ERCC6L2: variants seen among roughly 807,000 people sequenced by gnomAD.
ERCC6L2 encodes the protein ERCC excision repair 6 like 2.
A neutral mutation model predicts 132.0 loss-of-function variants in ERCC6L2; 77 were observed. That is an observed-to-expected ratio of 0.58 (90% confidence interval 0.49 to 0.71). The LOEUF is 0.71. Ranked by LOEUF, ERCC6L2 falls within the 30% of genes least tolerant of loss-of-function variation. The pLI is 0.00. For synonymous variants in ERCC6L2, 583 were observed against 632.4 expected, an observed-to-expected ratio of 0.92 and a Z score of 1.17; for missense variants, 1,542 against 1,837.6, an observed-to-expected ratio of 0.84 and a Z score of 2.94.
intron 19 of ERCC6L2, among the ~76,000 whole-genome samples, chr9:96,038,684 T>C (rs934124505): frequency 5.9e-5 from 9 of 152,180 alleles, no homozygotes; most frequent in African/African-American, 2.2e-4. Context: ...GAAAGAAGGG[T>C]GACTGCTGTC....
chr9:95,974,378 C>G (rs1832570282), intron 16 of ERCC6L2, among the ~76,000 whole-genome samples: 1 of 152,024 alleles, frequency 6.6e-6, no homozygotes, highest in South Asian at 2.1e-4. Flanking sequence ...GTAATTGATT[C>G]AAACACATTT....
intron 18 of ERCC6L2, among the ~76,000 whole-genome samples, chr9:96,010,451 C>G (rs989471793): frequency 6.6e-6 from 1 of 152,206 alleles, no homozygotes; most frequent in African/African-American, 2.4e-5. Context: ...TAAGGATTCT[C>G]TGTTTTGCAT....
At chr9:96,037,538 C>T (rs1834533763) in intron 19 of ERCC6L2, among the ~76,000 whole-genome samples, 1 of 152,170 alleles carries the variant, frequency 6.6e-6, no homozygotes, top group Admixed American at 6.5e-5. Context: ...AGGTTCTGGC[C>T]TGAGTAACCA....
intron 12 of ERCC6L2, among the ~76,000 whole-genome samples, chr9:95,942,896 G>A (rs1260291531): frequency 1.3e-5 from 2 of 152,102 alleles, no homozygotes; most frequent in African/African-American, 4.8e-5. Context: ...GAGAAACAGG[G>A]AGAGAATGAT....
intron 19 of ERCC6L2, among the ~76,000 whole-genome samples, chr9:96,031,778 G>A (rs1204207189): frequency 6.6e-6 from 1 of 152,144 alleles, no homozygotes; most frequent in Non-Finnish European, 1.5e-5. Context: ...CAGCTTCCCA[G>A]GAACACAAGC....
At chr9:95,881,318 A>T (rs1827580352) in intron 2 of ERCC6L2, 25 bp downstream of exon 2, 1 of 1,515,026 alleles carries the variant, frequency 6.6e-7, no homozygotes, top group Non-Finnish European at 8.8e-7. Context: ...TATAACAGTA[A>T]AGTCACTTTA....
intron 18 of ERCC6L2, among the ~76,000 whole-genome samples, chr9:96,007,853 T>G (rs554921252): frequency 2.0e-5 from 3 of 152,180 alleles, no homozygotes; most frequent in Non-Finnish European, 4.4e-5. Context: ...TCCTGCTGGC[T>G]TCTGGGGGCA....
At chr9:95,938,749 A>G (rs975333951) in intron 11 of ERCC6L2, among the ~76,000 whole-genome samples, 11 of 152,104 alleles carry the variant, frequency 7.2e-5, no homozygotes, top group African/African-American at 2.7e-4. Context: ...TGTGGAGAGC[A>G]TATTGTTTTT....
At chr9:95,935,182 A>G (rs1830501726) in intron 11 of ERCC6L2, among the ~76,000 whole-genome samples, 1 of 152,224 alleles carries the variant, frequency 6.6e-6, no homozygotes, top group South Asian at 2.1e-4. Flanking sequence ...AGAAATAGAT[A>G]GATCAAAAAA....
Position 96,036,765 on chromosome 9 carries a change from T to A in ERCC6L2, c.*1504-2111T>A, listed in dbSNP as rs1321079451. Among the ~76,000 whole-genome samples, 294 of 140,030 alleles carry A rather than the reference T, an allele frequency of 2.1e-3. 3 individuals carry two copies. Among genetic ancestry groups the A allele is most frequent in the Middle Eastern group, 7.1e-3 (2 of 282 alleles). 91.9% of individuals were successfully genotyped at this position (140,030 alleles called of 152,430 possible). ...AAATTATTATTATTATTATTATTAT[T>A]TTTATTTATTTTTTTTTTTGAGACG... is the stretch of plus-strand genomic sequence containing the variant. On this transcript the variant is annotated intron_variant and NMD_transcript_variant, in intron 19 of 20. Coordinates refer to the ERCC6L2 transcript ENST00000670016.
intron 19 of ERCC6L2, among the ~76,000 whole-genome samples, chr9:96,038,029 T>C (rs964229375): frequency 2.7e-5 from 4 of 150,626 alleles, no homozygotes; most frequent in African/African-American, 7.3e-5. Context: ...CGTGGGTAGG[T>C]GGGTGGTGGT....
chr9:95,893,495 T>C (rs973430243), intron 2 of ERCC6L2, among the ~76,000 whole-genome samples: 3 of 152,210 alleles, frequency 2.0e-5, no homozygotes, highest in Admixed American at 6.5e-5. Context: ...TTCCCCTTTT[T>C]CTAAACCCTG....
At chr9:95,980,576 C>T (rs570524217) in intron 17 of ERCC6L2, among the ~76,000 whole-genome samples, 2 of 152,260 alleles carry the variant, frequency 1.3e-5, no homozygotes, top group Non-Finnish European at 2.9e-5. Context: ...TTCCCAATCA[C>T]TGATTTCATC....
chr9:96,022,632 G>A (rs1458005346), downstream of ERCC6L2, among the ~76,000 whole-genome samples: 3 of 152,182 alleles, frequency 2.0e-5, no homozygotes, highest in Non-Finnish European at 4.4e-5. Context: ...AGCGCCAGCC[G>A]GGTCCGGGCC....
At chr9:95,880,729 A>G in intron 1 of ERCC6L2, 140 bp from the exon 2 acceptor site, 4 of 644,604 alleles carry the variant, frequency 6.2e-6, no homozygotes, top group East Asian at 2.8e-5. Flanking sequence ...AAAAATATCT[A>G]TACATGTTAG....
At chr9:95,980,491 C>T (rs992362063) in intron 17 of ERCC6L2, among the ~76,000 whole-genome samples, 1 of 152,162 alleles carries the variant, frequency 6.6e-6, no homozygotes, top group Non-Finnish European at 1.5e-5. Context: ...TGGCTGACTT[C>T]AGTCAGTAAT....
At chr9:95,990,918 G>A (rs146672730) in intron 17 of ERCC6L2, among the ~76,000 whole-genome samples, 96 of 152,278 alleles carry the variant, frequency 6.3e-4, no homozygotes, top group Non-Finnish European at 1.2e-3. Context: ...TTTATTGAGC[G>A]GTGGGCGGCT....
In ERCC6L2 at chr9:95,875,943, G is replaced by T. The variant is rs1827227837; in HGVS notation, c.-96G>T. 2.9e-6 allele frequency: 4 copies of T among 1,369,432 alleles called. No homozygotes were observed. The highest frequency in any genetic ancestry group is 2.5e-5 in the East Asian group (1 of 39,538). The allele number at this position is 1,369,432 out of a possible 1,614,324, so 84.8% of individuals were successfully genotyped here. Reference sequence around the variant, plus strand: ...TGCTCGGAGGGCGGCCGGAAGTGGCGTTGGCCGCCATTGGCCTGCCGGCCA... The same window carrying T: ...TGCTCGGAGGGCGGCCGGAAGTGGCTTTGGCCGCCATTGGCCTGCCGGCCA... On this transcript the variant is annotated 5_prime_UTR_variant, in exon 1 of 19. Coordinates refer to ENST00000653738, the MANE Select transcript of ERCC6L2 (RefSeq NM_020207.7).
intron 4 of ERCC6L2, 141 bp from the exon 5 acceptor site, chr9:95,915,527 G>T (rs900407559): frequency 3.5e-5 from 28 of 799,628 alleles, no homozygotes; most frequent in Non-Finnish European, 4.9e-5. Flanking sequence ...AACTAAGTGG[G>T]TAAGAATCCA....
Sources: gnomAD v4.1 joint callset for allele counts (sites outside exome capture counted in the v4.1 genomes callset) on GRCh38, gnomAD v4.1.1 for gene constraint, MANE v1.5 for transcripts, NCBI Gene and HGNC (gene_info 2026-07-23, HGNC 2026-07-21) for gene names.